ZNF480: variants seen among roughly 807,000 people sequenced by gnomAD.
ZNF480 encodes the protein zinc finger protein 480.
ZNF480 carries 15 observed loss-of-function variants against 14.4 expected under a neutral mutation model. The ratio of observed to expected loss-of-function variants is 1.04; its 90% CI spans 0.70 to 1.60. ZNF480 has a LOEUF of 1.60. ZNF480 is among the 40% of genes most tolerant of loss of function. The probability of loss-of-function intolerance (pLI) is 0.00; values close to 1 mark genes in which losing one functional copy is unlikely to be tolerated. For missense variants in ZNF480, 593 were observed against 629.7 expected, an observed-to-expected ratio of 0.94 and a Z score of 0.62; for synonymous variants, 218 against 215.5, an observed-to-expected ratio of 1.01 and a Z score of -0.10.
At chr19:52,304,983 C>T (rs1218557782) in intron 2 of ZNF480, among the ~76,000 whole-genome samples, 1 of 151,996 alleles carries the variant, frequency 6.6e-6, no homozygotes, top group Non-Finnish European at 1.5e-5. Flanking sequence ...CCTGTGGTCC[C>T]AGCTACTTGG....
At chr19:52,309,445 T>G (rs989394658) in intron 2 of ZNF480, among the ~76,000 whole-genome samples, 6 of 152,208 alleles carry the variant, frequency 3.9e-5, no homozygotes, top group African/African-American at 1.4e-4. Context: ...CCTGCATTAC[T>G]GCTGGCTCTG....
At chr19:52,298,322 AG>A (rs1600210475) in intron 1 of ZNF480, among the ~76,000 whole-genome samples, 2 of 151,800 alleles carry the variant, frequency 1.3e-5, no homozygotes. Flanking sequence ...GAGAGAGCAG[AG>A]GGGGAGTAGA....
At chr19:52,313,038 C>G (rs1222929090) in intron 2 of ZNF480, among the ~76,000 whole-genome samples, 2 of 151,820 alleles carry the variant, frequency 1.3e-5, no homozygotes, top group African/African-American at 4.8e-5. Flanking sequence ...CCAGGATGGT[C>G]TTGAACTCCT....
rs540378572 is a variant in ZNF480 at position 52,323,652 on chromosome 19, A to C, written c.*794A>C. 6.6e-6 allele frequency: 1 copy of C among 152,314 alleles called. No individual in the cohort carries two copies. Among genetic ancestry groups the C allele is most frequent in the Admixed American group, 6.5e-5 (1 of 15,294 alleles). 9.4% of individuals were successfully genotyped at this position (152,314 alleles called of 1,614,324 possible). ...CTGCAAGGTTGGTTCAGTATACACAAATCAATAAATGTGATTTATCACATA... is the reference window on the plus strand; with the variant it reads ...CTGCAAGGTTGGTTCAGTATACACACATCAATAAATGTGATTTATCACATA... On this transcript the variant is annotated 3_prime_UTR_variant, in exon 5 of 5. Coordinates refer to ENST00000595962, the MANE Select transcript of ZNF480 (RefSeq NM_144684.4).
Position 52,321,826 on chromosome 19 carries a change from A to G in ZNF480, c.576A>G (p.Gln192=), listed in dbSNP as rs149769756. 1 of 1,613,936 alleles carries G rather than the reference A, an allele frequency of 6.2e-7. No homozygotes were observed. The highest frequency in any genetic ancestry group is 1.3e-5 in the African/African-American group (1 of 74,926). ...NDFDDSSFLP[Q]EQKVHLREKP... is the part of the protein sequence containing the mutation. ...TTGATGATTCTTCATTTCTCCCACA[A>G]GAACAGAAAGTACACCTTAGAGAAA... is the stretch of plus-strand genomic sequence containing the variant. Residue 192 remains glutamine (Q), a synonymous_variant, in exon 5 of 5, where the codon CAA becomes CAG. Coordinates refer to ENST00000595962, the MANE Select transcript of ZNF480 (RefSeq NM_144684.4).
intron 4 of ZNF480, 117 bp from the exon 5 acceptor site, chr19:52,321,462 T>C: frequency 1.2e-6 from 1 of 842,268 alleles, no homozygotes; most frequent in Non-Finnish European, 1.8e-6. Flanking sequence ...ATGTACAAAG[T>C]GTGCTGATAT....
intron 2 of ZNF480, chr19:52,301,242 C>T (rs1982679862): frequency 6.6e-6 from 1 of 152,392 alleles, no homozygotes. Context: ...TCATTGAAAT[C>T]AGGGAGCCTC....
Position 52,321,593 on chromosome 19 carries a change from T to A in ZNF480, c.343T>A (p.Leu115Met), listed in dbSNP as rs199580707. The change falls in exon 5 of 5, where the codon TTG (leucine) becomes ATG (methionine). Residue 115 changes from leucine to methionine, a missense_variant. Coordinates refer to ENST00000595962, the MANE Select transcript of ZNF480 (RefSeq NM_144684.4). The part of the protein sequence containing the change: ...KGVNTGSSYA[L>M]GSNAEDKPIK... ...TGCTTTCCTAGGGAGCAGCTATGCATTGGGAAGCAATGCAGAAGACAAACC... is the reference window on the plus strand; with the variant it reads ...TGCTTTCCTAGGGAGCAGCTATGCAATGGGAAGCAATGCAGAAGACAAACC... 245 of 1,594,098 alleles carry A rather than the reference T, an allele frequency of 1.5e-4. 1 individual carries two copies. The highest frequency in any genetic ancestry group is 6.0e-6 in the Non-Finnish European group (7 of 1,168,728).
intron 2 of ZNF480, among the ~76,000 whole-genome samples, chr19:52,311,899 ATG>A (rs1033838964): frequency 1.3e-5 from 2 of 152,200 alleles, no homozygotes; most frequent in African/African-American, 4.8e-5. Context: ...ATAAGTGTAT[ATG>A]TGTGCTAGTG....
Position 52,323,072 on chromosome 19 carries a change from C to T in ZNF480, c.*214C>T, listed in dbSNP as rs937329823. The T allele has an allele frequency of 4.8e-6, 2 of 417,984 alleles. No homozygotes were observed. The highest frequency in any genetic ancestry group is 8.3e-6 in the Non-Finnish European group (2 of 239,992). The allele number at this position is 417,984 out of a possible 1,614,324, so 25.9% of individuals were successfully genotyped here. On this transcript the variant is annotated 3_prime_UTR_variant, in exon 5 of 5. Transcript: ENST00000595962. ...TGGAAAAGTCTTCAAAAAAATTTCA[C>T]ACCTTGCAAAAGGAGATCTAAAAAA...
intron 4 of ZNF480, 84 bp downstream of exon 4, chr19:52,316,046 A>C (rs1983537727): frequency 7.2e-7 from 1 of 1,383,144 alleles, no homozygotes; most frequent in African/African-American, 1.4e-5. Flanking sequence ...TTGGTTTTTT[A>C]TGTTTGTATT....
chr19:52,299,659 A>G (rs1982590122), intron 1 of ZNF480, among the ~76,000 whole-genome samples: 1 of 152,162 alleles, frequency 6.6e-6, no homozygotes, highest in Admixed American at 6.5e-5. Context: ...CAAATTAATC[A>G]AAAGAAGGGG....
chr19:52,324,398 A>G lies in ZNF480; in HGVS notation c.*1540A>G, dbSNP rs1983995642. Reference sequence around the variant, plus strand: ...ACAGAGCCAATGCTATTTCTATCAAACTACCAATGGCATTTTTCACAGAAT... The same window carrying G: ...ACAGAGCCAATGCTATTTCTATCAAGCTACCAATGGCATTTTTCACAGAAT... On this transcript the variant is annotated 3_prime_UTR_variant, in exon 5 of 5. Transcript: ENST00000595962. 6.6e-6 allele frequency: 1 copy of G among 152,226 alleles called. No individual in the cohort carries two copies. The highest frequency in any genetic ancestry group is 1.5e-5 in the Non-Finnish European group (1 of 68,038). The allele number at this position is 152,226 out of a possible 1,614,324, so 9.4% of individuals were successfully genotyped here.
intron 2 of ZNF480, among the ~76,000 whole-genome samples, chr19:52,305,295 T>C (rs1408565010): frequency 1.3e-5 from 2 of 152,198 alleles, no homozygotes; most frequent in Non-Finnish European, 2.9e-5. Flanking sequence ...AAATGTCCTC[T>C]CCTGTATCTA....
intron 1 of ZNF480, among the ~76,000 whole-genome samples, chr19:52,299,194 G>A (rs1982565347): frequency 6.6e-6 from 1 of 152,166 alleles, no homozygotes; most frequent in African/African-American, 2.4e-5. Flanking sequence ...GTGTGGGCGA[G>A]TGTAAAAGAT....
At position 52,325,596 on chromosome 19, in the gene ZNF480, A is replaced by G. The variant is rs1984062477; in HGVS notation, c.*2738A>G. ...GGAATACTATGCAGCCATAAAAAAGAACAAGACTGTGTCCTTTACAGCAAC... is the reference window on the plus strand; with the variant it reads ...GGAATACTATGCAGCCATAAAAAAGGACAAGACTGTGTCCTTTACAGCAAC... On this transcript the variant is annotated 3_prime_UTR_variant, in exon 5 of 5. Transcript: ENST00000595962. 1 of 152,246 alleles carries G rather than the reference A, an allele frequency of 6.6e-6. No individual in the cohort carries two copies. Among genetic ancestry groups the G allele is most frequent in the Non-Finnish European group, 1.5e-5 (1 of 68,040 alleles). 9.4% of individuals were successfully genotyped at this position (152,246 alleles called of 1,614,324 possible).
intron 2 of ZNF480, chr19:52,300,885 T>C: frequency 4.5e-6 from 1 of 223,484 alleles, no homozygotes; most frequent in East Asian, 1.0e-4. Context: ...TGGCTAATTA[T>C]CTGCAGCAAA....
intron 2 of ZNF480, among the ~76,000 whole-genome samples, chr19:52,306,820 A>G (rs1265594667): frequency 6.6e-6 from 1 of 152,126 alleles, no homozygotes. Flanking sequence ...GCCTGAATAG[A>G]ACCGAGAGCA....
At chr19:52,313,914 G>C in intron 2 of ZNF480, 1 of 383,482 alleles carries the variant, frequency 2.6e-6, no homozygotes, top group Non-Finnish European at 5.2e-6. Flanking sequence ...AGGAGGCGGA[G>C]GTTGCAGTGA....
Sources: allele counts gnomAD v4.1 joint callset (sites outside exome capture counted in the v4.1 genomes callset), GRCh38; gene constraint gnomAD v4.1.1; transcripts MANE v1.5; gene names NCBI Gene and HGNC (gene_info 2026-07-23, HGNC 2026-07-21).